Variants in SLC19A1 observed in about 807,000 individuals in gnomAD.
SLC19A1 encodes reduced folate transporter.
SLC19A1 carries 37 observed loss-of-function variants against 35.3 expected under a neutral mutation model. That is an observed-to-expected ratio of 1.05 (90% confidence interval 0.81 to 1.38). SLC19A1 has a LOEUF of 1.38. Ranked by LOEUF, SLC19A1 falls within the 40% of genes most tolerant of loss-of-function variation. SLC19A1 has a pLI of 0.00. For missense variants in SLC19A1, 831 were observed against 826.9 expected (o/e 1.00, Z -0.06); for synonymous variants, 460 against 398.5 (o/e 1.15, Z -1.84).
At chr21:45,507,393 A>G in intron 3 of SLC19A1, 2 of 592,328 alleles carry the variant, frequency 3.4e-6, no homozygotes, top group Non-Finnish European at 5.8e-6. Flanking sequence ...CTGGGCAGGG[A>G]GCGTACCCTG....
chr21:45,506,227 G>A (rs2037194190), intron 3 of SLC19A1: 2 of 509,606 alleles, frequency 3.9e-6, no homozygotes, highest in South Asian at 2.0e-5. Flanking sequence ...ATGTCACAGT[G>A]AACGTTTACA....
chr21:45,544,526 C>T (rs1389450354), upstream of SLC19A1: 1 of 154,210 alleles, frequency 6.5e-6, no homozygotes, highest in Non-Finnish European at 1.4e-5. Context: ...GTGCTTGGGC[C>T]CTCACGAGCC....
rs1217423090 is a variant in SLC19A1 at position 45,534,500 on chromosome 21, G to A, written c.190-2352C>T. ...CTCTCCCCAGACCCCACGGCTCTCT[G>A]GAAAAGGGCGGCCAGGGGTCCTAGA... On this transcript the variant is annotated intron_variant, in intron 2 of 5. Transcript: ENST00000311124. This position sits in a 1 kb window ranked among gnomAD's most constrained non-coding sequence, Gnocchi z 4.2. 3.4e-6 allele frequency: 5 copies of A among 1,477,950 alleles called. No individual in the cohort carries two copies. The Admixed American group carries it at 7.9e-5, about 23-fold the overall frequency. The allele number at this position is 1,477,950 out of a possible 1,614,324, so 91.6% of individuals were successfully genotyped here.
chr21:45,557,699 TCAGA>T (rs1192113389), intron 1 of SLC19A1, among the ~76,000 whole-genome samples: 3 of 151,930 alleles, frequency 2.0e-5, no homozygotes, highest in East Asian at 3.9e-4. Context: ...TCCACCACAC[TCAGA>T]CAGTGTGCCT....
At chr21:45,541,607 C>A (rs2078306325) in intron 1 of SLC19A1, among the ~76,000 whole-genome samples, 1 of 152,238 alleles carries the variant, frequency 6.6e-6, no homozygotes, top group Non-Finnish European at 1.5e-5. Flanking sequence ...AGGACCCACT[C>A]GGGAAAGGCT....
chr21:45,549,872 T>C (rs1602940803), intron 1 of SLC19A1, among the ~76,000 whole-genome samples: 1 of 151,580 alleles, frequency 6.6e-6, no homozygotes, highest in African/African-American at 2.4e-5. Context: ...GCAGATGGGG[T>C]ACAGGTCCAG....
At chr21:45,537,198 G>A (rs749311885) in intron 2 of SLC19A1, among the ~76,000 whole-genome samples, 64 of 152,154 alleles carry the variant, frequency 4.2e-4, no homozygotes, top group Non-Finnish European at 7.6e-4. Flanking sequence ...CTCTCTGCAG[G>A]ACACAATATC....
chr21:45,518,566 A>C (rs974815957), intron 5 of SLC19A1, among the ~76,000 whole-genome samples: 2 of 152,212 alleles, frequency 1.3e-5, no homozygotes, highest in Non-Finnish European at 2.9e-5. Flanking sequence ...CCATATTCAA[A>C]CTTCTATAAG....
chr21:45,549,013 G>C (rs117031135), upstream of SLC19A1, among the ~76,000 whole-genome samples: 4 of 152,294 alleles, frequency 2.6e-5, no homozygotes, highest in Non-Finnish European at 4.4e-5. Flanking sequence ...TCTACTTTAT[G>C]AACCACAGTT....
intron 3 of SLC19A1, chr21:45,506,472 G>A (rs1451873131): frequency 7.6e-6 from 2 of 261,596 alleles, no homozygotes; most frequent in Non-Finnish European, 1.5e-5. Flanking sequence ...ACACACCTGG[G>A]ATTGCCCCTT....
chr21:45,526,475 G>A (rs2077623942), intron 4 of SLC19A1, among the ~76,000 whole-genome samples: 1 of 151,724 alleles, frequency 6.6e-6, no homozygotes, highest in Non-Finnish European at 1.5e-5. Context: ...TTTTGACCGT[G>A]TTCTGAGACT....
rs774263744 is a variant in SLC19A1 at position 45,531,372 on chromosome 21, G to A, written c.949+17C>T. ...AGCCTCTGCGGGAAGAAGCCTCGGG[G>A]ACCAGGGCATGCGTACCCAGCAGCG... On this transcript the variant is annotated intron_variant, in intron 3 of 5. Transcript: ENST00000311124. 6 of 1,550,762 alleles carry A rather than the reference G, an allele frequency of 3.9e-6. No individual in the cohort carries two copies. In the East Asian group the frequency reaches 1.1e-4, roughly 29 times the overall value.
chr21:45,558,665 G>A (rs1295631765), intron 1 of SLC19A1, among the ~76,000 whole-genome samples: 2 of 152,190 alleles, frequency 1.3e-5, no homozygotes, highest in Non-Finnish European at 2.9e-5. Context: ...CCTGCGGCTG[G>A]GAATCTGAGG....
chr21:45,556,073 G>C (rs764828303), intron 1 of SLC19A1, among the ~76,000 whole-genome samples: 4 of 152,196 alleles, frequency 2.6e-5, no homozygotes, highest in Non-Finnish European at 5.9e-5. Flanking sequence ...GCTGGGGTGG[G>C]GCACACAGAG....
At chr21:45,518,821 A>C in intron 5 of SLC19A1, among the ~76,000 whole-genome samples, 1 of 152,238 alleles carries the variant, frequency 6.6e-6, no homozygotes, top group African/African-American at 2.4e-5. Context: ...AACTAAGAGA[A>C]GAAATTTGTA....
chr21:45,529,497 A>G (rs1210846222), intron 4 of SLC19A1, among the ~76,000 whole-genome samples: 1 of 152,186 alleles, frequency 6.6e-6, no homozygotes, highest in Non-Finnish European at 1.5e-5. Flanking sequence ...AGGTCCAGGG[A>G]GCAGGACCCT....
At chr21:45,543,263 G>A (rs899698830), upstream of SLC19A1, among the ~76,000 whole-genome samples, 13 of 152,114 alleles carry the variant, frequency 8.5e-5, no homozygotes, top group Non-Finnish European at 2.9e-5. Flanking sequence ...TGCAGGACAC[G>A]GGGAGAAGTG....
At chr21:45,510,500 G>A (rs927692838), downstream of SLC19A1, among the ~76,000 whole-genome samples, 8 of 143,926 alleles carry the variant, frequency 5.6e-5, no homozygotes, top group African/African-American at 1.0e-4. Context: ...AGGCCCCCCC[G>A]TGGCCCCCTG....
At chr21:45,552,464 G>A (rs1025018686) in intron 1 of SLC19A1, among the ~76,000 whole-genome samples, 1 of 152,146 alleles carries the variant, frequency 6.6e-6, no homozygotes, top group African/African-American at 2.4e-5. Flanking sequence ...TGGGGAGAGC[G>A]ACACCCACCC....
Sources: allele counts gnomAD v4.1 joint callset (sites outside exome capture counted in the v4.1 genomes callset), GRCh38; gene constraint gnomAD v4.1.1; non-coding constraint Gnocchi (gnomAD v3.1); transcripts MANE v1.5; gene names NCBI Gene and HGNC (gene_info 2026-07-23, HGNC 2026-07-21).